Variants in DOCK9 observed in about 807,000 individuals in gnomAD.
The protein encoded by DOCK9 is dedicator of cytokinesis 9.
A neutral mutation model predicts 263.3 loss-of-function variants in DOCK9; 89 were observed. The observed-to-expected ratio is 0.34, with a 90% CI of 0.28 to 0.40. The LOEUF (loss-of-function observed/expected upper bound fraction) is 0.40. DOCK9 is among the 10% of genes least tolerant of loss of function. The pLI is 1.00. For synonymous variants in DOCK9, 976 were observed against 973.1 expected, an observed-to-expected ratio of 1.00 and a Z score of -0.06; for missense variants, 2,140 against 2,603.4, an observed-to-expected ratio of 0.82 and a Z score of 3.87.
At position 98,880,680 on chromosome 13, in the gene DOCK9, GAA is replaced by G. The variant is rs763238665; in HGVS notation, c.2746-10_2746-9del. 6.2e-7 allele frequency: 1 copy of G among 1,612,452 alleles called. No homozygotes were observed. The highest frequency in any genetic ancestry group is 8.5e-7 in the Non-Finnish European group (1 of 1,179,212). ...CTCAGCCTTATACGCGTACTTTGAA[GAA>G]AAGAGAAAGAGACTTTAATGCACTG... On this transcript the variant is annotated splice_polypyrimidine_tract_variant and intron_variant, in intron 25 of 52. Transcript: ENST00000682017.
chr13:98,972,175 G>C (rs943517575), intron 1 of DOCK9, among the ~76,000 whole-genome samples: 17 of 152,176 alleles, frequency 1.1e-4, no homozygotes, highest in African/African-American at 1.9e-4. Flanking sequence ...AAAAAGAATA[G>C]AGCCTGCCTC....
intron 1 of DOCK9, among the ~76,000 whole-genome samples, chr13:98,983,130 T>C (rs972892820): frequency 1.6e-4 from 25 of 152,202 alleles, no homozygotes; most frequent in African/African-American, 5.5e-4. Context: ...AAGAAAAATA[T>C]GCATACACAC....
rs190391553 is a variant in DOCK9 at position 98,899,630 on chromosome 13, C to A, written c.1504-1369G>T. Among the ~76,000 whole-genome samples, 11 of 152,260 alleles carry A rather than the reference C, an allele frequency of 7.2e-5. No homozygotes were observed. In the East Asian group the frequency reaches 2.1e-3, roughly 29 times the overall value. On this transcript the variant is annotated intron_variant, in intron 13 of 52. Coordinates refer to ENST00000682017, the MANE Select transcript of DOCK9 (RefSeq NM_001366683.2). ...TGAGTTATAGGGTACAATGGCCTAC[C>A]TAGCTGCAGGGTCAATTTACTTAAA...
chr13:98,849,921 G>A (rs1166877211), intron 36 of DOCK9, 126 bp downstream of exon 36: 3 of 671,440 alleles, frequency 4.5e-6, no homozygotes, highest in African/African-American at 3.7e-5. Context: ...CCATGAGAAA[G>A]GGCTTAAGGA....
At chr13:98,800,876 T>C (rs762495097) in intron 49 of DOCK9, among the ~76,000 whole-genome samples, 4 of 152,120 alleles carry the variant, frequency 2.6e-5, no homozygotes, top group Non-Finnish European at 5.9e-5. Flanking sequence ...GTCCAGAAAA[T>C]AGTTCCATAA....
chr13:98,827,865 G>A (rs2092607936), intron 43 of DOCK9, among the ~76,000 whole-genome samples: 1 of 152,132 alleles, frequency 6.6e-6, no homozygotes, highest in Non-Finnish European at 1.5e-5. Flanking sequence ...AGCTGCTTTC[G>A]TCCCTTATTC....
rs1415669296 is a variant in DOCK9 at position 98,926,765 on chromosome 13, T to C, written c.334-846A>G. ...TGTCCAGTCAGCACTTGACTATTTA[T>C]GTGCAGACTTCAGTGTGGGTGGAAA... On this transcript the variant is annotated intron_variant, in intron 3 of 52. Coordinates refer to ENST00000682017, the MANE Select transcript of DOCK9 (RefSeq NM_001366683.2). Among the ~76,000 whole-genome samples the C allele has an allele frequency of 2.0e-5, 3 of 152,284 alleles. No homozygotes were observed. The East Asian group carries it at 5.8e-4, about 29-fold the overall frequency.
At chr13:98,820,097 C>T (rs2092169575) in intron 45 of DOCK9, among the ~76,000 whole-genome samples, 1 of 152,224 alleles carries the variant, frequency 6.6e-6, no homozygotes, top group Non-Finnish European at 1.5e-5. Flanking sequence ...AGGGAAAATG[C>T]AAGGTTCAGT....
At chr13:98,936,650 AGAAT>A (rs1490318120) in intron 2 of DOCK9, among the ~76,000 whole-genome samples, 2 of 151,236 alleles carry the variant, frequency 1.3e-5, no homozygotes, top group African/African-American at 4.9e-5. Context: ...AAGAAAGAAA[AGAAT>A]GAATAAAGCA....
chr13:98,927,361 G>A (rs1166801974), intron 3 of DOCK9, among the ~76,000 whole-genome samples: 1 of 151,968 alleles, frequency 6.6e-6, no homozygotes, highest in African/African-American at 2.4e-5. Context: ...TCCCACTACT[G>A]CCCCTAGGTC....
intron 33 of DOCK9, 79 bp downstream of exon 33, chr13:98,860,326 G>T: frequency 6.5e-7 from 1 of 1,544,674 alleles, no homozygotes; most frequent in South Asian, 1.2e-5. Flanking sequence ...ACACAAGTGT[G>T]ACACGTTCAC....
chr13:98,937,544 T>G (rs2055079274), intron 2 of DOCK9, among the ~76,000 whole-genome samples: 1 of 152,122 alleles, frequency 6.6e-6, no homozygotes, highest in South Asian at 2.1e-4. Flanking sequence ...AAATTCTTAG[T>G]TACCTTCAGC....
In DOCK9 at chr13:98,800,290, G is replaced by T; in HGVS notation, c.5914C>A (p.Gln1972Lys). The change falls in exon 50 of 53, where the codon CAG (glutamine) becomes AAG (lysine). Residue 1972 changes from glutamine to lysine, a missense_variant and splice_region_variant. Coordinates refer to ENST00000682017, the MANE Select transcript of DOCK9 (RefSeq NM_001366683.2). Reference protein sequence around the residue: ...QLKLQGSVSVQVNAGPLAYAR... With the variant: ...QLKLQGSVSVKVNAGPLAYAR... ...CCGGCCTGCTGTGCCTGGCTCACCT[G>T]AACACTCACGCTGCCCTGGAGTTTG... is the stretch of plus-strand genomic sequence containing the variant. 1.3e-6 allele frequency: 2 copies of T among 1,597,384 alleles called. No homozygotes were observed. Among genetic ancestry groups the T allele is most frequent in the Non-Finnish European group, 8.5e-7 (1 of 1,171,840 alleles).
chr13:98,863,868 T>A (rs942155369), intron 30 of DOCK9, among the ~76,000 whole-genome samples: 1 of 152,216 alleles, frequency 6.6e-6, no homozygotes, highest in African/African-American at 2.4e-5. Context: ...ACACAGCATA[T>A]GTTATATTAC....
intron 2 of DOCK9, chr13:98,950,568 G>A (rs2057294128): frequency 3.1e-6 from 1 of 317,624 alleles, no homozygotes; most frequent in Non-Finnish European, 5.7e-6. Flanking sequence ...CACCCAAAGT[G>A]CTGGGGTTAC....
chr13:99,032,630 T>G lies in DOCK9; in HGVS notation c.129+53593A>C, dbSNP rs541040483. On this transcript the variant is annotated intron_variant, in intron 1 of 32. Transcript: ENST00000427887. ...ATTTATTAATTTATATGACATAAATTTATTAATTTACATGACATAAATTTA... is the reference window on the plus strand; with the variant it reads ...ATTTATTAATTTATATGACATAAATGTATTAATTTACATGACATAAATTTA... Among the ~76,000 whole-genome samples the G allele has an allele frequency of 4.0e-4, 61 of 151,334 alleles. 2 individuals carry two copies. In the South Asian group the frequency reaches 0.013, roughly 31 times the overall value.
At chr13:98,900,141 A>G (rs141197481) in intron 13 of DOCK9, among the ~76,000 whole-genome samples, 6 of 144,896 alleles carry the variant, frequency 4.1e-5, no homozygotes, top group Non-Finnish European at 6.0e-5. Context: ...TGAATAATGT[A>G]CACATGGATG....
intron 1 of DOCK9, among the ~76,000 whole-genome samples, chr13:99,083,168 T>C (rs937646760): frequency 6.6e-6 from 1 of 151,320 alleles, no homozygotes; most frequent in African/African-American, 2.4e-5. Context: ...GGCCAGAGAA[T>C]CACCTGAATC....
intron 1 of DOCK9, among the ~76,000 whole-genome samples, chr13:99,048,226 C>G (rs926941247): frequency 2.0e-5 from 3 of 152,134 alleles, no homozygotes; most frequent in African/African-American, 4.8e-5. Flanking sequence ...TCTGCCGGCT[C>G]AAAGCCAACA....
Sources: gnomAD v4.1 joint callset for allele counts (sites outside exome capture counted in the v4.1 genomes callset) on GRCh38, gnomAD v4.1.1 for gene constraint, MANE v1.5 for transcripts, NCBI Gene and HGNC (gene_info 2026-07-23, HGNC 2026-07-21) for gene names.